The following ALG9 variants were observed in gnomAD, a reference collection of about 807,000 sequenced individuals.
The protein encoded by ALG9 is alpha-1,2-mannosyltransferase ALG9.
In ALG9, 55 loss-of-function variants were observed where a neutral mutation model predicts 81.8. That is an observed-to-expected ratio of 0.67 (90% CI 0.54 to 0.84). The LOEUF (loss-of-function observed/expected upper bound fraction) is 0.84. ALG9 is among the 40% of genes least tolerant of loss of function. The pLI, the probability that ALG9 is intolerant of heterozygous loss-of-function variation, is 0.00. For missense variants in ALG9, 629 were observed against 745.0 expected (o/e 0.84, Z 1.81); for synonymous variants, 278 against 274.3 (o/e 1.01, Z -0.13).
At chr11:111,774,773 A>G in the ALG9 span, among the ~76,000 whole-genome samples, 1 of 152,308 alleles carries the variant, frequency 6.6e-6, no homozygotes, top group Middle Eastern at 3.4e-3. Flanking sequence ...TTGGTTTACC[A>G]TACTACAGAC....
At chr11:111,809,519 C>T (rs1555088963) in intron 14 of ALG9, 124 bp downstream of exon 14, 3 of 559,492 alleles carry the variant, frequency 5.4e-6, no homozygotes, top group South Asian at 6.4e-5. Flanking sequence ...GACTCCATTA[C>T]ACACACACAC....
intron 13 of ALG9, among the ~76,000 whole-genome samples, chr11:111,813,456 G>T (rs184618920): frequency 3.2e-3 from 481 of 152,254 alleles, no homozygotes; most frequent in African/African-American, 0.011. Flanking sequence ...AAAAAAATTA[G>T]CTGGGCATGG....
intron 14 of ALG9, among the ~76,000 whole-genome samples, chr11:111,789,515 C>T (rs536463958): frequency 1.6e-3 from 242 of 151,488 alleles, no homozygotes; most frequent in African/African-American, 5.6e-3. Flanking sequence ...GTCAGGATTA[C>T]AGGCATGAGC....
At chr11:111,866,732 C>T (rs1337851899) in intron 3 of ALG9, among the ~76,000 whole-genome samples, 4 of 151,328 alleles carry the variant, frequency 2.6e-5, no homozygotes, top group Non-Finnish European at 5.9e-5. Flanking sequence ...CTCTGCATAG[C>T]ACATTGTTAG....
intron 13 of ALG9, among the ~76,000 whole-genome samples, chr11:111,828,076 G>GC (rs1276051691): frequency 6.6e-6 from 1 of 151,852 alleles, no homozygotes; most frequent in Non-Finnish European, 1.5e-5. Context: ...TGTAACCCCA[G>GC]CTAGCCACTC....
chr11:111,799,097 C>T (rs1948722712), intron 14 of ALG9, among the ~76,000 whole-genome samples: 1 of 152,182 alleles, frequency 6.6e-6, no homozygotes, highest in Non-Finnish European at 1.5e-5. Context: ...TCCCAATCAT[C>T]TTTAGGTTGC....
the ALG9 span, among the ~76,000 whole-genome samples, chr11:111,774,307 C>A: frequency 1.3e-5 from 2 of 152,070 alleles, no homozygotes; most frequent in Non-Finnish European, 2.9e-5. Context: ...ACCCAGGAGG[C>A]ACAGATTGCG....
intron 13 of ALG9, among the ~76,000 whole-genome samples, chr11:111,815,002 C>T (rs1555095583): frequency 6.6e-6 from 1 of 152,154 alleles, no homozygotes. Flanking sequence ...CATTTTAATA[C>T]TTGACCTCAA....
In ALG9 at chr11:111,857,697, T is replaced by C. The variant is rs1555144442; in HGVS notation, c.606A>G (p.Ile202Met). ...TGTCCATATACCATCCAGTCATGGC[T>C]ATCAACGTAGTGTACATACAGAAGC... ...PSSFCMYTTL[I>M]AMTGWYMDKT... The change falls in exon 6 of 15, where the codon ATA becomes ATG. Residue 202 changes from isoleucine (I) to methionine (M), a missense_variant. By Grantham distance (10) the Ile-to-Met change is conservative (BLOSUM62 1). Coordinates refer to ENST00000616540, the MANE Select transcript of ALG9 (RefSeq NM_024740.2). 2 of 1,614,182 alleles carry C rather than the reference T, an allele frequency of 1.2e-6. No individual in the cohort carries two copies. Among genetic ancestry groups the C allele is most frequent in the Admixed American group, 1.7e-5 (1 of 60,026 alleles).
chr11:111,864,490 ACTT>A (rs1250846618), intron 4 of ALG9: 8 of 707,484 alleles, frequency 1.1e-5, no homozygotes, highest in African/African-American at 3.5e-5. Flanking sequence ...TTCCCAAACC[ACTT>A]CTTATGATCC....
At chr11:111,866,832 G>GCC (rs1962644477) in intron 3 of ALG9, among the ~76,000 whole-genome samples, 1 of 151,144 alleles carries the variant, frequency 6.6e-6, no homozygotes, top group Non-Finnish European at 1.5e-5. Context: ...AGTGGCTCAC[G>GCC]CCCGTAATCC....
chr11:111,802,812 C>T (rs1241154792), intron 14 of ALG9, among the ~76,000 whole-genome samples: 2 of 152,210 alleles, frequency 1.3e-5, no homozygotes, highest in African/African-American at 4.8e-5. Flanking sequence ...GTCTTCCAAT[C>T]ACACTATATT....
At chr11:111,805,655 G>A (rs943712902) in intron 14 of ALG9, among the ~76,000 whole-genome samples, 3 of 152,200 alleles carry the variant, frequency 2.0e-5, no homozygotes, top group Non-Finnish European at 4.4e-5. Flanking sequence ...GGAATGTAGT[G>A]GGGGAGAATA....
Position 111,860,591 on chromosome 11 carries a change from A to G in ALG9, c.521T>C (p.Leu174Pro). Residue 174 changes from leucine to proline, a missense_variant, in exon 5 of 15, where the codon CTA becomes CCA. Coordinates refer to ENST00000616540, the MANE Select transcript of ALG9 (RefSeq NM_024740.2). ...GCCAGTGCTGAGAACCAAGAAGGCT[A>G]GCATCATTCGACTCACGTGCAACCC... ...KFGLHVSRMMLAFLVLSTGMF... is the reference protein window; with the variant it reads ...KFGLHVSRMMPAFLVLSTGMF... 6.2e-7 allele frequency: 1 copy of G among 1,614,140 alleles called. No individual in the cohort carries two copies. The highest frequency in any genetic ancestry group is 1.1e-5 in the South Asian group (1 of 91,066).
chr11:111,844,792 TA>T, intron 8 of ALG9, 69 bp from the exon 9 acceptor site: 1 of 1,539,230 alleles, frequency 6.5e-7, no homozygotes, highest in Non-Finnish European at 9.0e-7. Flanking sequence ...GCTTGACATA[TA>T]ATGTTCTTTG....
At chr11:111,807,316 C>T (rs1278825796) in intron 14 of ALG9, among the ~76,000 whole-genome samples, 1 of 152,174 alleles carries the variant, frequency 6.6e-6, no homozygotes, top group Non-Finnish European at 1.5e-5. Context: ...TGCTCAGCTC[C>T]AGCCTCACTG....
At chr11:111,782,018 GTCT>G (rs1279429201), downstream of ALG9, among the ~76,000 whole-genome samples, 2 of 152,194 alleles carry the variant, frequency 1.3e-5, no homozygotes, top group East Asian at 1.9e-4. Context: ...GTTTCCCAAA[GTCT>G]TCTTCTAAAG....
chr11:111,850,804 C>T (rs1273974088), intron 8 of ALG9, among the ~76,000 whole-genome samples: 1 of 151,562 alleles, frequency 6.6e-6, no homozygotes, highest in Non-Finnish European at 1.5e-5. Flanking sequence ...GAACAACTGC[C>T]TAAAGTCTGG....
In ALG9 at chr11:111,864,482, C is replaced by T; in HGVS notation, c.476+699G>A. ...GTAGTAAAATGAATTTCAAAAGTTT[C>T]CCAAACCACTTCTTATGATCCAGTG... On this transcript the variant is annotated intron_variant, in intron 4 of 14. Coordinates refer to ENST00000616540, the MANE Select transcript of ALG9 (RefSeq NM_024740.2). The T allele has an allele frequency of 5.6e-6, 4 of 720,690 alleles. No homozygotes were observed. In the Admixed American group the frequency reaches 7.6e-5, roughly 14 times the overall value. 44.6% of individuals were successfully genotyped at this position (720,690 alleles called of 1,614,324 possible). A position where few individuals can be genotyped will look rare whatever the true frequency, so the allele number is the denominator to read the frequency against.
Sources: allele counts gnomAD v4.1 joint callset (sites outside exome capture counted in the v4.1 genomes callset), GRCh38; gene constraint gnomAD v4.1.1; transcripts MANE v1.5; gene names NCBI Gene and HGNC (gene_info 2026-07-23, HGNC 2026-07-21).